DAB1: variants seen among roughly 807,000 people sequenced by gnomAD.
DAB1 encodes the protein disabled homolog 1.
DAB1 carries 15 observed loss-of-function variants against 64.6 expected under a neutral mutation model. That is an observed-to-expected ratio of 0.23 (90% CI 0.16 to 0.36). DAB1 has a LOEUF of 0.36. DAB1 is among the 10% of genes least tolerant of loss of function. The probability of loss-of-function intolerance (pLI) is 1.00; values close to 1 mark genes in which losing one functional copy is unlikely to be tolerated. For missense variants in DAB1, 596 were observed against 706.7 expected (o/e 0.84, Z 1.78); for synonymous variants, 235 against 251.9 (o/e 0.93, Z 0.64).
intron 2 of DAB1, among the ~76,000 whole-genome samples, chr1:57,278,105 A>G (rs1671612471): frequency 6.6e-6 from 1 of 152,192 alleles, no homozygotes; most frequent in Non-Finnish European, 1.5e-5. Context: ...CTGGGGTTTT[A>G]TTTGATGGTC....
chr1:58,053,709 T>C (rs1370617211), intron 5 of DAB1, among the ~76,000 whole-genome samples: 2 of 152,206 alleles, frequency 1.3e-5, no homozygotes, highest in African/African-American at 4.8e-5. Context: ...TGAAAGTAGG[T>C]GCCACATGGT....
chr1:57,150,034 A>G (rs1659511047), intron 2 of DAB1, among the ~76,000 whole-genome samples: 1 of 152,140 alleles, frequency 6.6e-6, no homozygotes, highest in Non-Finnish European at 1.5e-5. Context: ...CTGAGAGACA[A>G]TAGGCCTTGA....
intron 6 of DAB1, among the ~76,000 whole-genome samples, chr1:57,713,398 T>C (rs1275363067): frequency 2.0e-5 from 3 of 152,158 alleles, no homozygotes; most frequent in African/African-American, 7.2e-5. Flanking sequence ...TATGAGCAAG[T>C]CATGATTTGG....
chr1:58,143,878 A>C (rs1372888516), intron 5 of DAB1, among the ~76,000 whole-genome samples: 2 of 152,172 alleles, frequency 1.3e-5, no homozygotes, highest in Non-Finnish European at 2.9e-5. Context: ...CATATATCTG[A>C]ATATGTATTT....
At chr1:57,195,716 A>G (rs1664570358) in intron 2 of DAB1, among the ~76,000 whole-genome samples, 1 of 152,234 alleles carries the variant, frequency 6.6e-6, no homozygotes. Context: ...ACTTTGGGCC[A>G]CTATGCCTCA....
chr1:58,485,964 G>A (rs990251337), intron 3 of DAB1, among the ~76,000 whole-genome samples: 3 of 152,220 alleles, frequency 2.0e-5, no homozygotes, highest in Non-Finnish European at 4.4e-5. Context: ...ATATGGTTCT[G>A]AGAATCCTGA....
intron 5 of DAB1, among the ~76,000 whole-genome samples, chr1:58,063,958 A>C (rs934336358): frequency 1.3e-5 from 2 of 152,232 alleles, no homozygotes; most frequent in Non-Finnish European, 2.9e-5. Flanking sequence ...GTTGAAAATC[A>C]AAAAGTATTG....
At chr1:57,352,923 C>T (rs569711509) in intron 1 of DAB1, among the ~76,000 whole-genome samples, 26 of 152,160 alleles carry the variant, frequency 1.7e-4, no homozygotes, top group African/African-American at 6.3e-4. Flanking sequence ...AAGAGAGAAT[C>T]AAACAAGAGA....
At chr1:57,769,227 G>C (rs1649453439) in intron 6 of DAB1, among the ~76,000 whole-genome samples, 1 of 152,144 alleles carries the variant, frequency 6.6e-6, no homozygotes, top group Non-Finnish European at 1.5e-5. Flanking sequence ...AGACAAAAGA[G>C]TGTCAAAGGG....
At chr1:57,168,083 C>T (rs547299288) in intron 2 of DAB1, among the ~76,000 whole-genome samples, 18 of 152,208 alleles carry the variant, frequency 1.2e-4, no homozygotes, top group South Asian at 1.0e-3. Flanking sequence ...CTCATATCTC[C>T]CCTAGATAAT....
chr1:57,823,148 C>T (rs1318465786), downstream of DAB1, among the ~76,000 whole-genome samples: 1 of 151,884 alleles, frequency 6.6e-6, no homozygotes, highest in Non-Finnish European at 1.5e-5. Context: ...TCACACCTGG[C>T]TAATTTTTGT....
Position 57,365,661 on chromosome 1 carries a change from G to A in DAB1, c.-137+58269C>T, listed in dbSNP as rs1240441. Among the ~76,000 whole-genome samples, 1,125 of 152,080 alleles carry A rather than the reference G, an allele frequency of 7.4e-3. 17 individuals are homozygous for A. Among genetic ancestry groups the A allele is most frequent in the African/African-American group, 0.025 (1,039 of 41,486 alleles). ...GTGGAGAGGCCATGATTCAAGTGAGGTCTCTCGGACCACAAAATCCGTGTA... is the reference window on the plus strand; with the variant it reads ...GTGGAGAGGCCATGATTCAAGTGAGATCTCTCGGACCACAAAATCCGTGTA... On this transcript the variant is annotated intron_variant, in intron 1 of 14. Transcript: ENST00000371236.
intron 4 of DAB1, among the ~76,000 whole-genome samples, chr1:57,089,275 G>A (rs1041482791): frequency 4.6e-5 from 7 of 152,130 alleles, no homozygotes; most frequent in East Asian, 1.9e-4. Flanking sequence ...TACCTAGAAC[G>A]TATCCTGGTA....
chr1:57,471,338 T>C (rs1352922672), intron 7 of DAB1, among the ~76,000 whole-genome samples: 3 of 152,192 alleles, frequency 2.0e-5, no homozygotes, highest in Non-Finnish European at 2.9e-5. Context: ...TTATTTTTTT[T>C]AAATGTCTTA....
chr1:57,411,759 A>G (rs926949019), intron 1 of DAB1, among the ~76,000 whole-genome samples: 1 of 152,216 alleles, frequency 6.6e-6, no homozygotes, highest in African/African-American at 2.4e-5. Flanking sequence ...CCTCTGCACT[A>G]TCAGGCTGCA....
chr1:57,630,504 T>C (rs2103142), intron 7 of DAB1, among the ~76,000 whole-genome samples: 37,103 of 152,122 alleles, frequency 0.24, 4,879 homozygotes, highest in Admixed American at 0.34. Flanking sequence ...GGTCTATTTA[T>C]ATAAAAGGGT....
chr1:57,227,748 G>A (rs1667382613), intron 2 of DAB1, among the ~76,000 whole-genome samples: 1 of 152,010 alleles, frequency 6.6e-6, no homozygotes, highest in African/African-American at 2.4e-5. Context: ...TGTAGAGATG[G>A]GGTTTCACCA....
chr1:57,803,696 T>G (rs1651234464), intron 6 of DAB1, among the ~76,000 whole-genome samples: 1 of 152,228 alleles, frequency 6.6e-6, no homozygotes, highest in African/African-American at 2.4e-5. Flanking sequence ...AGACTTGTTC[T>G]CTGGATCTAG....
At chr1:58,444,075 T>A (rs1569799065) in intron 3 of DAB1, among the ~76,000 whole-genome samples, 4 of 152,354 alleles carry the variant, frequency 2.6e-5, no homozygotes, top group Admixed American at 2.6e-4. Context: ...ACTCTCATTC[T>A]CCTGTCTTGG....
Sources: allele counts gnomAD v4.1 joint callset (sites outside exome capture counted in the v4.1 genomes callset), GRCh38; gene constraint gnomAD v4.1.1; transcripts MANE v1.5; gene names NCBI Gene and HGNC (gene_info 2026-07-23, HGNC 2026-07-21).